MYO19: variants seen among roughly 807,000 people sequenced by gnomAD.
MYO19 encodes unconventional myosin-XIX.
In MYO19, 132 loss-of-function variants were observed where a neutral mutation model predicts 129.2. That is an observed-to-expected ratio of 1.02 (90% confidence interval 0.89 to 1.18). MYO19 has a LOEUF of 1.18. Among genes scored for constraint, MYO19 ranks in the 50% most tolerant of loss-of-function variants. MYO19 has a pLI of 0.00. For missense variants in MYO19, 1,210 were observed against 1,216.7 expected (o/e 0.99, Z 0.08); for synonymous variants, 531 against 477.2 (o/e 1.11, Z -1.47).
intron 11 of MYO19, among the ~76,000 whole-genome samples, chr17:36,511,787 C>A (rs977407697): frequency 5.8e-4 from 88 of 152,292 alleles, no homozygotes; most frequent in Middle Eastern, 6.8e-3. Context: ...GCCCACCCAT[C>A]CTCTACATTT....
At chr17:36,530,729 T>C (rs866188143) in intron 3 of MYO19, among the ~76,000 whole-genome samples, 4 of 152,160 alleles carry the variant, frequency 2.6e-5, no homozygotes, top group South Asian at 4.1e-4. Flanking sequence ...CAAGTGATTC[T>C]CATGCCTCAG....
At chr17:36,514,622 C>G (rs2072613181) in intron 8 of MYO19, 74 bp from the exon 9 acceptor site, 1 of 1,011,950 alleles carries the variant, frequency 9.9e-7, no homozygotes, top group Non-Finnish European at 1.5e-6. Flanking sequence ...CTGGGTGTGC[C>G]AGATTGCCTG....
intron 5 of MYO19, among the ~76,000 whole-genome samples, 190 bp downstream of exon 5, chr17:36,527,361 C>A (rs888153332): frequency 2.0e-5 from 3 of 152,182 alleles, no homozygotes; most frequent in Non-Finnish European, 4.4e-5. Flanking sequence ...CCCCACTTTG[C>A]ACCTTCTGTC....
rs1322215256 is a variant in MYO19 at position 36,512,570 on chromosome 17, A to C, written c.894+859T>G. On this transcript the variant is annotated intron_variant, in intron 11 of 25. Transcript: ENST00000614623. ...AGGGCTGTGGCAGAGGGTCATGCCC[A>C]CCCCCAAAGCACTCCTGCCCCGACT... The C allele has an allele frequency of 1.6e-5, 19 of 1,217,254 alleles. No individual in the cohort carries two copies. The South Asian group carries it at 2.7e-4, about 17-fold the overall frequency. 75.4% of individuals were successfully genotyped at this position (1,217,254 alleles called of 1,614,324 possible).
chr17:36,540,453 C>T (rs1478099825), intron 2 of MYO19, among the ~76,000 whole-genome samples: 1 of 151,730 alleles, frequency 6.6e-6, no homozygotes, highest in African/African-American at 2.4e-5. Context: ...TCACTACAAC[C>T]TCCGCCTCCC....
At chr17:36,537,710 G>T (rs1304662467), upstream of MYO19, 2 of 1,614,138 alleles carry the variant, frequency 1.2e-6, no homozygotes, top group Non-Finnish European at 1.7e-6. Context: ...CAAACTCATT[G>T]TACTCTGTTT....
At chr17:36,536,716 T>C (rs1241566870), upstream of MYO19, among the ~76,000 whole-genome samples, 1 of 152,066 alleles carries the variant, frequency 6.6e-6, no homozygotes, top group Non-Finnish European at 1.5e-5. Context: ...GCTTTCACCA[T>C]GTTGACCAGG....
Position 36,498,350 on chromosome 17 carries a change from C to G in MYO19, c.2673G>C (p.Gln891His). The part of the protein sequence containing the change: ...QRKLVVWACL[Q>H]LPRGSPSSYT... ...AGCTACTGGGGCTGCCCCTGGGGAG[C>G]TGGAGGCAAGCCCAGACCACTAATT... is the stretch of plus-strand genomic sequence containing the variant. The change falls in exon 25 of 26, where the codon CAG (glutamine) becomes CAC (histidine). Residue 891 changes from glutamine to histidine, a missense_variant. Transcript: ENST00000614623. 1 of 1,614,052 alleles carries G rather than the reference C, an allele frequency of 6.2e-7. No homozygotes were observed. Among genetic ancestry groups the G allele is most frequent in the Non-Finnish European group, 8.5e-7 (1 of 1,179,908 alleles).
intron 16 of MYO19, 103 bp from the exon 17 acceptor site, chr17:36,507,242 G>A: frequency 6.7e-7 from 1 of 1,492,572 alleles, no homozygotes; most frequent in Non-Finnish European, 9.1e-7. Flanking sequence ...CATCACACAG[G>A]CATCATAGTG....
rs570032382 is a variant in MYO19 at position 36,500,931 on chromosome 17, C to T, written c.2276G>A (p.Arg759Gln). 39 of 1,611,300 alleles carry T rather than the reference C, an allele frequency of 2.4e-5. No homozygotes were observed. The East Asian group carries it at 3.3e-4, about 14-fold the overall frequency. ...MLELLECGRARVLEQCARCIQ... is the reference protein window; with the variant it reads ...MLELLECGRAQVLEQCARCIQ... Reference sequence around the variant, plus strand: ...GCAGCGGGCACACTGCTCCAGCACCCGGGCACGCCCACATTCCAGAAGCTC... The same window carrying T: ...GCAGCGGGCACACTGCTCCAGCACCTGGGCACGCCCACATTCCAGAAGCTC... Residue 759 changes from arginine (R) to glutamine (Q), a missense_variant, in exon 23 of 26, where the codon CGG becomes CAG. Arg to Gln is a conservative substitution (Grantham distance 43). Transcript: ENST00000614623.
At position 36,497,320 on chromosome 17, in the gene MYO19, G is replaced by GAA. The variant is rs112241229; in HGVS notation, c.2758-916_2758-915dup. Reference sequence around the variant, plus strand: ...TCCGTCTCAAAAAATTAAATAACATGAAAAAAAAAAAAAACCCACAGAGAA... The same window carrying GAA: ...TCCGTCTCAAAAAATTAAATAACATGAAAAAAAAAAAAAAAACCCACAGAGAA... On this transcript the variant is annotated intron_variant, in intron 25 of 25. Transcript: ENST00000614623. Among the ~76,000 whole-genome samples the GAA allele has an allele frequency of 5.4e-3, 714 of 132,544 alleles. 9 individuals are homozygous for GAA. Among genetic ancestry groups the GAA allele is most frequent in the African/African-American group, 0.018 (663 of 36,768 alleles). The allele number at this position is 132,544 out of a possible 152,430, so 87.0% of individuals were successfully genotyped here.
intron 18 of MYO19, among the ~76,000 whole-genome samples, chr17:36,506,133 A>G (rs998422962): frequency 1.3e-5 from 2 of 152,066 alleles, no homozygotes; most frequent in African/African-American, 4.8e-5. Context: ...TTAGAACAGG[A>G]AGCTAGACAG....
At chr17:36,505,578 C>A (rs2071829267) in intron 18 of MYO19, among the ~76,000 whole-genome samples, 174 bp from the exon 19 acceptor site, 1 of 152,194 alleles carries the variant, frequency 6.6e-6, no homozygotes, top group Non-Finnish European at 1.5e-5. Context: ...AGGCTCAGAG[C>A]ACATTCCTCT....
upstream of MYO19, among the ~76,000 whole-genome samples, chr17:36,536,912 C>T (rs1236978542): frequency 1.3e-5 from 2 of 152,202 alleles, no homozygotes; most frequent in Non-Finnish European, 1.5e-5. Context: ...TCTATCTGAA[C>T]ACATTAGTGT....
Position 36,515,178 on chromosome 17 carries a change from A to G in MYO19, c.552T>C (p.Asn184=). ...NSNPVMEAFG[N]ACTLRNNNSS... is the part of the protein sequence containing the mutation. The stretch of plus-strand genomic sequence containing the variant: ...TGTTGTTATTCCTCAGTGTACACGC[A>G]TTCCCTACAGATCACACCTATGTTT... Residue 184 remains asparagine (N), a synonymous_variant, in exon 8 of 26, where the codon AAT becomes AAC. Transcript: ENST00000614623. The G allele has an allele frequency of 6.2e-7, 1 of 1,612,672 alleles. No individual in the cohort carries two copies. The highest frequency in any genetic ancestry group is 1.1e-5 in the South Asian group (1 of 90,616).
In MYO19 at chr17:36,496,340, G is replaced by T. The variant is rs769482440; in HGVS notation, c.2824C>A (p.Pro942Thr). The change falls in exon 26 of 26, where the codon CCC (proline) becomes ACC (threonine). Residue 942 changes from proline to threonine, a missense_variant. Pro to Thr is a conservative substitution (Grantham distance 38). Transcript: ENST00000614623. ...TGATTAAAGCCTGTAATGCTGTAGG[G>T]TGAAGGTTCAGGGCAGATGTCAGCA... ...RYADICPEPS[P>T]YSITGFNQIL... The T allele has an allele frequency of 6.2e-7, 1 of 1,613,888 alleles. No homozygotes were observed. Among genetic ancestry groups the T allele is most frequent in the African/African-American group, 1.3e-5 (1 of 74,916 alleles).
intron 23 of MYO19, 92 bp downstream of exon 23, chr17:36,500,738 C>T (rs930538106): frequency 6.8e-7 from 1 of 1,479,048 alleles, no homozygotes; most frequent in Non-Finnish European, 9.0e-7. Flanking sequence ...GACACAGCTT[C>T]AGGAGATGGG....
At chr17:36,519,453 A>G (rs1178194152) in intron 6 of MYO19, among the ~76,000 whole-genome samples, 2 of 152,094 alleles carry the variant, frequency 1.3e-5, no homozygotes, top group Non-Finnish European at 2.9e-5. Flanking sequence ...TAGACCACTT[A>G]TATTTATCGT....
chr17:36,538,157 A>G (rs1233033573), upstream of MYO19: 2 of 1,613,968 alleles, frequency 1.2e-6, no homozygotes, highest in African/African-American at 1.3e-5. Flanking sequence ...GCCTCTTCAT[A>G]TCTCTTTACG....
Sources: gnomAD v4.1 joint callset for allele counts (sites outside exome capture counted in the v4.1 genomes callset) on GRCh38, gnomAD v4.1.1 for gene constraint, MANE v1.5 for transcripts, NCBI Gene and HGNC (gene_info 2026-07-23, HGNC 2026-07-21) for gene names.